Variants in MED12L observed in about 807,000 individuals in gnomAD.
The protein encoded by MED12L is mediator of RNA polymerase II transcription subunit 12-like protein.
MED12L carries 60 observed loss-of-function variants against 281.3 expected under a neutral mutation model. The observed-to-expected ratio is 0.21, with a 90% CI of 0.17 to 0.26. MED12L has a LOEUF of 0.26. Among genes scored for constraint, MED12L ranks in the 10% least tolerant of loss-of-function variants. The pLI is 1.00. For synonymous variants in MED12L, 974 were observed against 987.2 expected (o/e 0.99, Z 0.25); for missense variants, 2,146 against 2,680.9 (o/e 0.80, Z 4.41).
chr3:151,185,905 ATTTC>A (rs1444658094), intron 12 of MED12L, among the ~76,000 whole-genome samples: 1 of 152,142 alleles, frequency 6.6e-6, no homozygotes, highest in African/African-American at 2.4e-5. Flanking sequence ...GAACAAAGAA[ATTTC>A]TTTGCTATAT....
At position 151,269,866 on chromosome 3, in the gene MED12L, C is replaced by T. The variant is rs568266196; in HGVS notation, c.2250+76200C>T. ...GTAAAGTCAGCAGGAAGAGGCAGCACGAAGAACCAGAGAGCTTCTTTACCT... is the reference window on the plus strand; with the variant it reads ...GTAAAGTCAGCAGGAAGAGGCAGCATGAAGAACCAGAGAGCTTCTTTACCT... On this transcript the variant is annotated intron_variant, in intron 16 of 44. Transcript: ENST00000687756. 23 of 458,394 alleles carry T rather than the reference C, an allele frequency of 5.0e-5. 1 individual carries two copies. The highest frequency in any genetic ancestry group is 1.4e-3 in the Middle Eastern group (2 of 1,398). 28.4% of individuals were successfully genotyped at this position (458,394 alleles called of 1,614,324 possible).
chr3:151,227,369 A>G (rs560140040), intron 16 of MED12L, among the ~76,000 whole-genome samples: 1 of 152,338 alleles, frequency 6.6e-6, no homozygotes, highest in East Asian at 1.9e-4. Context: ...AAGAAATCTG[A>G]ATTTCTGCTA....
chr3:151,408,147 A>G (rs978996843), intron 39 of MED12L, among the ~76,000 whole-genome samples: 2 of 152,220 alleles, frequency 1.3e-5, no homozygotes, highest in African/African-American at 4.8e-5. Flanking sequence ...CAAGTTTGCT[A>G]AGTTGCTTAA....
intron 36 of MED12L, among the ~76,000 whole-genome samples, chr3:151,385,721 GAA>G (rs34514758): frequency 1.7e-5 from 2 of 118,824 alleles, no homozygotes; most frequent in East Asian, 2.3e-4. Flanking sequence ...TCTGGGGGGG[GAA>G]AAAAAAAAAA....
chr3:151,230,127 G>A (rs886293248), intron 16 of MED12L, among the ~76,000 whole-genome samples: 10 of 152,166 alleles, frequency 6.6e-5, no homozygotes, highest in East Asian at 1.9e-4. Context: ...CCGCCACCAC[G>A]CCTGGCTAAT....
chr3:151,355,807 C>G, intron 18 of MED12L, 89 bp from the exon 19 acceptor site: 1 of 1,182,830 alleles, frequency 8.5e-7, no homozygotes, highest in East Asian at 2.6e-5. Context: ...TGTATAGATT[C>G]AACTGTCTTA....
rs572244114 is a variant in MED12L, at chr3:151,132,556, A to G, written c.556+4572A>G. ...ATGTATCAGTGTATCATATCCCAATACTGATGGTGGTAACTTTGATGATTT... is the reference window on the plus strand; with the variant it reads ...ATGTATCAGTGTATCATATCCCAATGCTGATGGTGGTAACTTTGATGATTT... On this transcript the variant is annotated intron_variant, in intron 5 of 44. Transcript: ENST00000687756. 6.6e-5 allele frequency among the ~76,000 whole-genome samples: 10 copies of G among 152,152 alleles called. No individual in the cohort carries two copies. The East Asian group carries it at 1.9e-3, about 29-fold the overall frequency.
At chr3:151,304,679 C>T (rs1409224779) in intron 16 of MED12L, among the ~76,000 whole-genome samples, 1 of 151,924 alleles carries the variant, frequency 6.6e-6, no homozygotes, top group African/African-American at 2.4e-5. Context: ...ATTTGATTCT[C>T]TCATTCTCTG....
chr3:151,146,390 G>C (rs760832156), intron 5 of MED12L, among the ~76,000 whole-genome samples: 1 of 152,086 alleles, frequency 6.6e-6, no homozygotes, highest in Non-Finnish European at 1.5e-5. Context: ...CCTTTCCTGG[G>C]TCTCAGGGTA....
intron 26 of MED12L, among the ~76,000 whole-genome samples, chr3:151,371,305 A>G (rs1194265363): frequency 6.6e-6 from 1 of 152,178 alleles, no homozygotes; most frequent in Non-Finnish European, 1.5e-5. Flanking sequence ...AATGTAACTC[A>G]AGGTATAGAG....
chr3:151,237,430 A>G (rs1421317776), intron 16 of MED12L, among the ~76,000 whole-genome samples: 1 of 126,010 alleles, frequency 7.9e-6, no homozygotes, highest in Non-Finnish European at 1.6e-5. Flanking sequence ...GCTCACTGCA[A>G]CCTCCACCTC....
intron 16 of MED12L, among the ~76,000 whole-genome samples, chr3:151,268,553 T>C (rs1411751271): frequency 6.6e-6 from 1 of 152,222 alleles, no homozygotes; most frequent in African/African-American, 2.4e-5. Context: ...ATTTGTGAGT[T>C]AGACATTTTG....
intron 2 of MED12L, among the ~76,000 whole-genome samples, chr3:151,094,113 A>G (rs530010179): frequency 6.6e-6 from 1 of 152,354 alleles, no homozygotes; most frequent in South Asian, 2.1e-4. Flanking sequence ...ACATGCATAT[A>G]TGCACCAGTG....
In MED12L at chr3:151,159,946, C is replaced by T. The variant is rs758213547; in HGVS notation, c.952C>T (p.Pro318Ser). 4.3e-6 allele frequency: 7 copies of T among 1,614,236 alleles called. No individual in the cohort carries two copies. The South Asian group carries it at 7.7e-5, about 18-fold the overall frequency. Residue 318 changes from proline to serine, a missense_variant, in exon 8 of 45, where the codon CCC becomes TCC. Physicochemically the swap from Pro to Ser is moderately conservative, Grantham distance 74. Coordinates refer to ENST00000687756, the MANE Select transcript of MED12L (RefSeq NM_001393769.1). ...DSPNLLAAHS[P>S]HMMIGPNNSS... ...CCCCAACCTCCTTGCTGCCCACTCA[C>T]CCCACATGATGATAGGACCAAACAA...
chr3:151,373,462 C>T (rs994689385), intron 27 of MED12L, among the ~76,000 whole-genome samples: 1 of 152,076 alleles, frequency 6.6e-6, no homozygotes, highest in African/African-American at 2.4e-5. Flanking sequence ...CGAGACAGTG[C>T]AAATTTTCTT....
chr3:151,229,893 T>A (rs913483536), intron 16 of MED12L, among the ~76,000 whole-genome samples: 24 of 152,202 alleles, frequency 1.6e-4, no homozygotes, highest in African/African-American at 5.3e-4. Context: ...TTGAAGATGT[T>A]GTTCAAGTTG....
chr3:151,315,683 G>T (rs1283865686), intron 16 of MED12L, among the ~76,000 whole-genome samples: 1 of 152,102 alleles, frequency 6.6e-6, no homozygotes, highest in Non-Finnish European at 1.5e-5. Context: ...AATATCAACA[G>T]GGTGTCTGGC....
intron 17 of MED12L, among the ~76,000 whole-genome samples, chr3:151,352,963 T>C (rs1263851187): frequency 6.6e-6 from 1 of 152,224 alleles, no homozygotes; most frequent in East Asian, 1.9e-4. Flanking sequence ...ATAATGTTAC[T>C]CATGTAAATA....
At chr3:151,159,665 TTTAAAA>T (rs1396426750) in intron 7 of MED12L, among the ~76,000 whole-genome samples, 161 bp from the exon 8 acceptor site, 1 of 152,238 alleles carries the variant, frequency 6.6e-6, no homozygotes, top group African/African-American at 2.4e-5. Flanking sequence ...TCCTAGAAAC[TTTAAAA>T]TTATACGTGT....
Sources: gnomAD v4.1 joint callset for allele counts (sites outside exome capture counted in the v4.1 genomes callset) on GRCh38, gnomAD v4.1.1 for gene constraint, MANE v1.5 for transcripts, NCBI Gene and HGNC (gene_info 2026-07-23, HGNC 2026-07-21) for gene names.